The following DNM3 variants were observed in gnomAD, a reference collection of about 807,000 sequenced individuals.
DNM3 encodes dynamin-3.
Under a neutral mutation model 101.6 loss-of-function variants are expected in DNM3, and 47 were observed. The ratio of observed to expected loss-of-function variants is 0.46; its 90% CI spans 0.37 to 0.59. The LOEUF (loss-of-function observed/expected upper bound fraction) is 0.59, where lower values mean the gene tolerates loss of function less well. Ranked by LOEUF, DNM3 falls within the 20% of genes least tolerant of loss-of-function variation. DNM3 has a pLI of 0.00. For missense variants in DNM3, 849 were observed against 1,085.7 expected (o/e 0.78, Z 3.06); for synonymous variants, 385 against 387.9 (o/e 0.99, Z 0.09).
intron 15 of DNM3, among the ~76,000 whole-genome samples, chr1:172,301,659 A>C (rs1557957376): frequency 6.6e-6 from 1 of 152,240 alleles, no homozygotes; most frequent in Non-Finnish European, 1.5e-5. Context: ...AAAATTATTT[A>C]ATTATCTAAT....
intron 14 of DNM3, among the ~76,000 whole-genome samples, chr1:172,204,797 C>T (rs989255874): frequency 2.0e-5 from 3 of 152,040 alleles, no homozygotes; most frequent in African/African-American, 7.2e-5. Context: ...GCCATTACAG[C>T]GGCATCCTGA....
At position 172,345,577 on chromosome 1, in the gene DNM3, T is replaced by A. The variant is rs182685738; in HGVS notation, c.1893+22237T>A. Among the ~76,000 whole-genome samples the A allele has an allele frequency of 1.7e-4, 26 of 152,306 alleles. No homozygotes were observed. In the East Asian group the frequency reaches 4.6e-3, roughly 27 times the overall value. The stretch of plus-strand genomic sequence containing the variant: ...ACACATACATATACATACATACACA[T>A]ATGCACACACACTGTTATCCATTAG... On this transcript the variant is annotated intron_variant, in intron 17 of 20. Coordinates refer to ENST00000627582, the MANE Select transcript of DNM3 (RefSeq NM_015569.5).
At chr1:172,212,917 C>G (rs769260615) in intron 14 of DNM3, among the ~76,000 whole-genome samples, 9 of 152,082 alleles carry the variant, frequency 5.9e-5, no homozygotes, top group Non-Finnish European at 1.2e-4. Flanking sequence ...TCTTTTAGCA[C>G]TGGAACAAAC....
At chr1:171,972,705 C>T (rs979849371) in intron 2 of DNM3, among the ~76,000 whole-genome samples, 8 of 152,076 alleles carry the variant, frequency 5.3e-5, no homozygotes, top group Non-Finnish European at 2.9e-5. Flanking sequence ...CAAAATCAGC[C>T]GGGCGTGGTG....
intron 14 of DNM3, among the ~76,000 whole-genome samples, chr1:172,217,182 A>G (rs932365603): frequency 6.6e-6 from 1 of 152,034 alleles, no homozygotes; most frequent in Admixed American, 6.6e-5. Flanking sequence ...GCCTCCTTAC[A>G]CCTCACTCTT....
At chr1:171,870,367 A>G (rs2035154899) in intron 1 of DNM3, among the ~76,000 whole-genome samples, 1 of 152,140 alleles carries the variant, frequency 6.6e-6, no homozygotes, top group Non-Finnish European at 1.5e-5. Context: ...ATTGTGATCT[A>G]GCTGAAGACC....
At chr1:172,397,271 C>T (rs1029647627) in intron 20 of DNM3, 10 of 152,568 alleles carry the variant, frequency 6.6e-5, no homozygotes, top group Non-Finnish European at 1.3e-4. Flanking sequence ...TTAATTATTG[C>T]CCTTTGGGGT....
At chr1:171,934,343 A>G (rs1407543413) in intron 2 of DNM3, among the ~76,000 whole-genome samples, 1 of 152,246 alleles carries the variant, frequency 6.6e-6, no homozygotes, top group African/African-American at 2.4e-5. Context: ...ATACTTGATT[A>G]TAGCAATTAA....
At chr1:172,049,265 T>C (rs1440545936) in intron 10 of DNM3, among the ~76,000 whole-genome samples, 3 of 152,206 alleles carry the variant, frequency 2.0e-5, no homozygotes, top group African/African-American at 7.2e-5. Context: ...CTGTGTGACC[T>C]TGGGCTTAAC....
chr1:171,875,671 C>A (rs973571318), intron 1 of DNM3, among the ~76,000 whole-genome samples: 2 of 151,832 alleles, frequency 1.3e-5, no homozygotes, highest in Non-Finnish European at 2.9e-5. Flanking sequence ...TCCTCATCTG[C>A]GAAATTATAA....
intron 20 of DNM3, among the ~76,000 whole-genome samples, chr1:172,389,433 T>C (rs1376047110): frequency 2.0e-5 from 3 of 151,664 alleles, no homozygotes; most frequent in African/African-American, 7.3e-5. Context: ...TTGACAATTA[T>C]AAGTGGATTT....
At chr1:172,355,370 TTCTAA>T (rs991160501) in intron 17 of DNM3, among the ~76,000 whole-genome samples, 6 of 152,106 alleles carry the variant, frequency 3.9e-5, no homozygotes, top group Non-Finnish European at 8.8e-5. Context: ...AAGGAACACT[TTCTAA>T]AGACAAGTCA....
chr1:172,362,730 A>G (rs977043362), intron 17 of DNM3, among the ~76,000 whole-genome samples: 1 of 150,760 alleles, frequency 6.6e-6, no homozygotes, highest in African/African-American at 2.4e-5. Flanking sequence ...CCCCCTTTCC[A>G]CATTCTGCAC....
chr1:172,129,085 T>C (rs973424592), intron 13 of DNM3, among the ~76,000 whole-genome samples: 1 of 152,176 alleles, frequency 6.6e-6, no homozygotes, highest in Non-Finnish European at 1.5e-5. Context: ...GCTCTGCATC[T>C]CTGATACAAT....
At chr1:172,367,227 T>C (rs1198144000) in intron 17 of DNM3, among the ~76,000 whole-genome samples, 2 of 149,856 alleles carry the variant, frequency 1.3e-5, no homozygotes, top group Non-Finnish European at 3.0e-5. Context: ...AAAAAAAAGA[T>C]GTTAGCCAAG....
At chr1:172,334,130 A>G (rs1449838168) in intron 17 of DNM3, among the ~76,000 whole-genome samples, 3 of 152,228 alleles carry the variant, frequency 2.0e-5, no homozygotes, top group African/African-American at 4.8e-5. Context: ...CCGAAAAAAT[A>G]CACAGATTCA....
intron 15 of DNM3, among the ~76,000 whole-genome samples, chr1:172,307,471 C>A (rs1237428595): frequency 6.6e-6 from 1 of 152,130 alleles, no homozygotes; most frequent in African/African-American, 2.4e-5. Flanking sequence ...TGTGGTGATT[C>A]CTCAAGGATC....
At chr1:171,911,565 G>T (rs1475535338) in intron 1 of DNM3, among the ~76,000 whole-genome samples, 1 of 152,164 alleles carries the variant, frequency 6.6e-6, no homozygotes, top group Admixed American at 6.5e-5. Flanking sequence ...TTACAGGTGT[G>T]AGCCACTGTG....
chr1:172,210,661 A>T (rs1490014712), intron 14 of DNM3, among the ~76,000 whole-genome samples: 1 of 152,140 alleles, frequency 6.6e-6, no homozygotes, highest in Non-Finnish European at 1.5e-5. Context: ...AACACTAAGA[A>T]AACCTTTTCT....
Sources: gnomAD v4.1 joint callset for allele counts (sites outside exome capture counted in the v4.1 genomes callset) on GRCh38, gnomAD v4.1.1 for gene constraint, MANE v1.5 for transcripts, NCBI Gene and HGNC (gene_info 2026-07-23, HGNC 2026-07-21) for gene names.